The following PLEKHM3 variants were observed in gnomAD, a reference collection of about 807,000 sequenced individuals.
The protein encoded by PLEKHM3 is pleckstrin homology domain-containing family M member 3.
Under a neutral mutation model 81.8 loss-of-function variants are expected in PLEKHM3, and 45 were observed. That is an observed-to-expected ratio of 0.55 (90% CI 0.43 to 0.71). PLEKHM3 has a LOEUF of 0.71. Ranked by LOEUF, PLEKHM3 falls within the 30% of genes least tolerant of loss-of-function variation. The pLI is 0.00. For missense variants in PLEKHM3, 788 were observed against 924.3 expected (o/e 0.85, Z 1.91); for synonymous variants, 352 against 356.4 (o/e 0.99, Z 0.14).
intron 7 of PLEKHM3, among the ~76,000 whole-genome samples, chr2:207,840,117 T>C (rs2092341813): frequency 1.3e-5 from 2 of 152,226 alleles, no homozygotes; most frequent in African/African-American, 4.8e-5. Flanking sequence ...CTCTTATTTT[T>C]CATATAATAT....
chr2:207,923,657 T>C (rs1413421283), intron 5 of PLEKHM3, among the ~76,000 whole-genome samples: 1 of 150,726 alleles, frequency 6.6e-6, no homozygotes, highest in Non-Finnish European at 1.5e-5. Context: ...AATAAGGTGA[T>C]GAGAGTAGAG....
intron 2 of PLEKHM3, among the ~76,000 whole-genome samples, chr2:207,985,621 G>A (rs113128192): frequency 2.2e-4 from 34 of 151,990 alleles, no homozygotes; most frequent in African/African-American, 8.2e-4. Flanking sequence ...ACATATGTTA[G>A]CATATATAAT....
At chr2:207,845,594 T>C (rs925145970) in intron 7 of PLEKHM3, among the ~76,000 whole-genome samples, 2 of 152,190 alleles carry the variant, frequency 1.3e-5, no homozygotes, top group Non-Finnish European at 2.9e-5. Flanking sequence ...ATCTCCAACA[T>C]ATGATAAGGA....
Position 207,824,825 on chromosome 2 carries a change from C to A in PLEKHM3, c.*3494G>T, listed in dbSNP as rs758238012. On this transcript the variant is annotated 3_prime_UTR_variant, in exon 8 of 8. Coordinates refer to ENST00000427836, the MANE Select transcript of PLEKHM3 (RefSeq NM_001080475.3). ...GATCTCACTGCAGCCGGAAGGAAGT[C>A]ACGGCATAGTCCCTTTTCAGGAGTC... is the stretch of plus-strand genomic sequence containing the variant. 1.3e-5 allele frequency: 2 copies of A among 152,148 alleles called. No individual in the cohort carries two copies. The highest frequency in any genetic ancestry group is 2.9e-5 in the Non-Finnish European group (2 of 68,040). 9.4% of individuals were successfully genotyped at this position (152,148 alleles called of 1,614,324 possible). A position where few individuals can be genotyped will look rare whatever the true frequency, so the allele number is the denominator to read the frequency against.
At chr2:207,918,211 T>C (rs1410599390) in intron 5 of PLEKHM3, among the ~76,000 whole-genome samples, 1 of 152,158 alleles carries the variant, frequency 6.6e-6, no homozygotes, top group Non-Finnish European at 1.5e-5. Flanking sequence ...CTAAGTGAAA[T>C]GGTTAAGGAT....
At position 207,908,522 on chromosome 2, in the gene PLEKHM3, G is replaced by A. The variant is rs1227476637; in HGVS notation, c.1942C>T (p.Leu648=). The change falls in exon 6 of 8, where the codon CTG becomes TTG. Residue 648 remains leucine, a synonymous_variant. Transcript: ENST00000427836. ...QQIHLYSLAD[L]QQVIEGKLAP... ...CCCCTCTGAGCACTTACCTGCTGCA[G>A]GTCGGCAAGTGAATACAGGTGGATC... The A allele has an allele frequency of 2.5e-6, 4 of 1,611,258 alleles. No individual in the cohort carries two copies. Among genetic ancestry groups the A allele is most frequent in the Middle Eastern group, 1.6e-4 (1 of 6,080 alleles).
chr2:207,978,826 T>C (rs1691418687), intron 2 of PLEKHM3, among the ~76,000 whole-genome samples: 1 of 152,224 alleles, frequency 6.6e-6, no homozygotes, highest in African/African-American at 2.4e-5. Context: ...CACTACTAAA[T>C]TATTCTTCTA....
At chr2:207,961,713 G>A (rs1002559261) in intron 3 of PLEKHM3, among the ~76,000 whole-genome samples, 2 of 152,168 alleles carry the variant, frequency 1.3e-5, no homozygotes, top group South Asian at 2.1e-4. Context: ...CTCTGAGAGG[G>A]CTGCAGACAA....
chr2:207,934,120 C>A (rs1257131159), intron 4 of PLEKHM3, among the ~76,000 whole-genome samples: 1 of 152,084 alleles, frequency 6.6e-6, no homozygotes, highest in Non-Finnish European at 1.5e-5. Flanking sequence ...TACTTAGGAA[C>A]AAAAGCCAAA....
rs138719212 is a variant in PLEKHM3, at chr2:207,891,623, G to A, written c.1950+16891C>T. Among the ~76,000 whole-genome samples the A allele has an allele frequency of 2.3e-3, 357 of 152,222 alleles. 2 individuals carry two copies. The highest frequency in any genetic ancestry group is 5.0e-3 in the South Asian group (24 of 4,820). ...GAAAGTCAATTGTTTACTTGAACTC[G>A]GGACCGAGCAGTCCTAAAGAAAAAA... is the stretch of plus-strand genomic sequence containing the variant. On this transcript the variant is annotated intron_variant, in intron 6 of 7. Coordinates refer to ENST00000427836, the MANE Select transcript of PLEKHM3 (RefSeq NM_001080475.3).
At chr2:208,011,931 G>A (rs1317515951) in intron 1 of PLEKHM3, among the ~76,000 whole-genome samples, 2 of 151,262 alleles carry the variant, frequency 1.3e-5, no homozygotes, top group Admixed American at 1.3e-4. Flanking sequence ...TGAGTAACTG[G>A]GATTACAGGT....
chr2:207,925,118 G>A (rs554705691), intron 5 of PLEKHM3, among the ~76,000 whole-genome samples: 107 of 150,532 alleles, frequency 7.1e-4, no homozygotes, highest in Non-Finnish European at 1.4e-3. Flanking sequence ...TTAGGTGGTA[G>A]TATGAACAGG....
chr2:207,921,656 C>T (rs184547049), intron 5 of PLEKHM3, among the ~76,000 whole-genome samples: 3 of 152,194 alleles, frequency 2.0e-5, no homozygotes, highest in South Asian at 2.1e-4. Context: ...CTCCCTAACC[C>T]TCTCATCCCT....
chr2:207,918,384 T>C (rs1689066752), intron 5 of PLEKHM3, among the ~76,000 whole-genome samples: 1 of 151,914 alleles, frequency 6.6e-6, no homozygotes, highest in Non-Finnish European at 1.5e-5. Context: ...TAGCTGGACG[T>C]GGTGGTGGGC....
intron 7 of PLEKHM3, among the ~76,000 whole-genome samples, chr2:207,842,684 G>C (rs139906932): frequency 1.3e-5 from 2 of 152,108 alleles, no homozygotes; most frequent in East Asian, 1.9e-4. Flanking sequence ...TCCATTCTGC[G>C]TATTGGTAAA....
chr2:208,012,369 T>C (rs1274192488), intron 1 of PLEKHM3, among the ~76,000 whole-genome samples: 1 of 152,198 alleles, frequency 6.6e-6, no homozygotes, highest in Non-Finnish European at 1.5e-5. Flanking sequence ...ATTTTAAAGA[T>C]GATGAAAGAG....
At chr2:207,995,395 C>A (rs1436282857) in intron 2 of PLEKHM3, among the ~76,000 whole-genome samples, 1 of 152,158 alleles carries the variant, frequency 6.6e-6, no homozygotes, top group Non-Finnish European at 1.5e-5. Context: ...TGATCCCCAC[C>A]AACTACCCCC....
intron 2 of PLEKHM3, among the ~76,000 whole-genome samples, chr2:207,992,837 G>A (rs1434434121): frequency 6.6e-6 from 1 of 152,152 alleles, no homozygotes; most frequent in Admixed American, 6.5e-5. Flanking sequence ...AAGTGAAAAG[G>A]GCAGGGAAAG....
chr2:207,881,253 A>T (rs952854189), intron 6 of PLEKHM3, among the ~76,000 whole-genome samples: 1 of 152,236 alleles, frequency 6.6e-6, no homozygotes, highest in Admixed American at 6.5e-5. Context: ...GTAAGTTTTT[A>T]AAAAGGCAGG....
Sources: gnomAD v4.1 joint callset for allele counts (sites outside exome capture counted in the v4.1 genomes callset) on GRCh38, gnomAD v4.1.1 for gene constraint, MANE v1.5 for transcripts, NCBI Gene and HGNC (gene_info 2026-07-23, HGNC 2026-07-21) for gene names.